Variants in ABCA13 observed in about 807,000 individuals in gnomAD.
ABCA13 encodes the protein ATP binding cassette subfamily A member 13.
Under a neutral mutation model 478.7 loss-of-function variants are expected in ABCA13, and 476 were observed. The observed-to-expected ratio is 0.99, with a 90% CI of 0.92 to 1.07. ABCA13 has a LOEUF of 1.07. ABCA13 is among the 50% of genes least tolerant of loss of function. ABCA13 has a pLI of 0.00. For synonymous variants in ABCA13, 2,252 were observed against 2,158.9 expected, an observed-to-expected ratio of 1.04 and a Z score of -1.20; for missense variants, 6,060 against 5,910.6, an observed-to-expected ratio of 1.03 and a Z score of -0.83.
intron 19 of ABCA13, among the ~76,000 whole-genome samples, chr7:48,286,188 C>A (rs934201047): frequency 1.3e-5 from 2 of 152,168 alleles, no homozygotes; most frequent in African/African-American, 4.8e-5. Flanking sequence ...CAGCATCATT[C>A]CGAGTCCACA....
intron 36 of ABCA13, 21 bp downstream of exon 36, chr7:48,387,980 T>G (rs770471646): frequency 6.3e-7 from 1 of 1,589,614 alleles, no homozygotes; most frequent in South Asian, 1.2e-5. Context: ...AGTAGAATTA[T>G]TAGATGCATG....
chr7:48,234,259 C>T (rs569929317), intron 8 of ABCA13, 108 bp downstream of exon 8: 2 of 1,523,550 alleles, frequency 1.3e-6, no homozygotes, highest in East Asian at 2.3e-5. Flanking sequence ...GGCAGCCAGA[C>T]AGGAGAGTTC....
chr7:48,471,487 G>T (rs1330480702), intron 44 of ABCA13, 43 bp from the exon 45 acceptor site: 1 of 1,501,130 alleles, frequency 6.7e-7, no homozygotes, highest in Non-Finnish European at 9.1e-7. Flanking sequence ...CAATGGCTTT[G>T]TAAATCTAAA....
intron 27 of ABCA13, among the ~76,000 whole-genome samples, chr7:48,333,415 G>T (rs867572543): frequency 6.6e-6 from 1 of 152,094 alleles, no homozygotes; most frequent in Non-Finnish European, 1.5e-5. Context: ...CACTAGCCAG[G>T]TTATTCCAAT....
chr7:48,604,850 G>T (rs191681253), intron 58 of ABCA13, among the ~76,000 whole-genome samples: 35 of 152,276 alleles, frequency 2.3e-4, no homozygotes, highest in Non-Finnish European at 5.0e-4. Flanking sequence ...TACTATTATT[G>T]TGTGGGAGTA....
At chr7:48,606,955 G>T (rs957852845) in intron 58 of ABCA13, among the ~76,000 whole-genome samples, 3 of 152,334 alleles carry the variant, frequency 2.0e-5, no homozygotes, top group African/African-American at 4.8e-5. Flanking sequence ...TTGCTGAGCT[G>T]CAGTGGGCTC....
intron 35 of ABCA13, 136 bp from the exon 36 acceptor site, chr7:48,387,686 T>C (rs1011756292): frequency 2.0e-5 from 15 of 764,902 alleles, no homozygotes; most frequent in Non-Finnish European, 2.7e-5. Context: ...CCCTGGGATA[T>C]CACATTTTGT....
chr7:48,571,258 G>A (rs1206158452), intron 55 of ABCA13, among the ~76,000 whole-genome samples: 1 of 152,054 alleles, frequency 6.6e-6, no homozygotes, highest in Admixed American at 6.5e-5. Flanking sequence ...TTCTTTATAT[G>A]GTAATCTTAA....
intron 48 of ABCA13, among the ~76,000 whole-genome samples, chr7:48,501,620 G>GT (rs1257392295): frequency 5.3e-5 from 8 of 152,124 alleles, no homozygotes; most frequent in African/African-American, 1.7e-4. Context: ...TGCACCAGTG[G>GT]TTTTTTACTT....
chr7:48,410,439 C>T (rs149049743), intron 39 of ABCA13, 81 bp from the exon 40 acceptor site: 22,490 of 1,540,514 alleles, frequency 0.015, 218 homozygotes, highest in Non-Finnish European at 0.018. Flanking sequence ...TGCCCTGGAT[C>T]TACCATCCTG....
chr7:48,403,617 G>A (rs1817891540), intron 38 of ABCA13, 66 bp from the exon 39 acceptor site: 2 of 1,483,480 alleles, frequency 1.3e-6, no homozygotes, highest in Non-Finnish European at 1.8e-6. Flanking sequence ...ATTATTTCTG[G>A]AGTGAAATTA....
At chr7:48,594,876 G>A (rs1312509106) in intron 58 of ABCA13, 63 bp downstream of exon 58, 1 of 1,385,994 alleles carries the variant, frequency 7.2e-7, no homozygotes, top group African/African-American at 1.4e-5. Context: ...GTTAAGAAGT[G>A]CATTTAGGTA....
intron 55 of ABCA13, among the ~76,000 whole-genome samples, chr7:48,564,659 T>G (rs2131284714): frequency 6.6e-6 from 1 of 151,966 alleles, no homozygotes; most frequent in South Asian, 2.1e-4. Flanking sequence ...GGTATTTCTT[T>G]ATATAAAAAT....
intron 55 of ABCA13, among the ~76,000 whole-genome samples, chr7:48,562,790 T>A (rs1461936704): frequency 1.3e-5 from 2 of 152,112 alleles, no homozygotes; most frequent in Non-Finnish European, 2.9e-5. Flanking sequence ...AAAGTTGTGA[T>A]TTTGATATAA....
intron 23 of ABCA13, among the ~76,000 whole-genome samples, chr7:48,306,175 T>C (rs1299775935): frequency 1.3e-5 from 2 of 152,208 alleles, no homozygotes; most frequent in Non-Finnish European, 2.9e-5. Context: ...GTGGCTTCTG[T>C]GCATTGTGAC....
chr7:48,217,260 C>A (rs1001916079), intron 3 of ABCA13, among the ~76,000 whole-genome samples: 1 of 152,168 alleles, frequency 6.6e-6, no homozygotes. Context: ...GCCATAACAA[C>A]CTTCTTAGGA....
chr7:48,620,704 C>T (rs1345405252), intron 59 of ABCA13, among the ~76,000 whole-genome samples: 2 of 152,156 alleles, frequency 1.3e-5, no homozygotes, highest in African/African-American at 2.4e-5. Context: ...AAACATTAGG[C>T]AGTCAACCCT....
At chr7:48,643,161 A>G in intron 59 of ABCA13, 127 bp from the exon 60 acceptor site, 3 of 616,402 alleles carry the variant, frequency 4.9e-6, no homozygotes, top group Non-Finnish European at 8.6e-6. Flanking sequence ...TTATATTGAG[A>G]ATCCAAACTC....
In ABCA13 at chr7:48,516,842, C is replaced by T. The variant is rs748271446; in HGVS notation, c.13758C>T (p.Thr4586=). The change falls in exon 52 of 62, where the codon ACC becomes ACT. Residue 4586 remains threonine (T), a synonymous_variant. Transcript: ENST00000435803. ...TTGGCCTTTGTACCATGCTCATAACCATTATGCCCCGGTTGCTAGCCATCA... is the reference window on the plus strand; with the variant it reads ...TTGGCCTTTGTACCATGCTCATAACTATTATGCCCCGGTTGCTAGCCATCA... ...FIFGLCTMLI[T]IMPRLLAIIS... is the part of the protein sequence containing the mutation. 13 of 1,613,606 alleles carry T rather than the reference C, an allele frequency of 8.1e-6. No homozygotes were observed. Among genetic ancestry groups the T allele is most frequent in the African/African-American group, 1.3e-5 (1 of 74,916 alleles).
Sources: allele counts gnomAD v4.1 joint callset (sites outside exome capture counted in the v4.1 genomes callset), GRCh38; gene constraint gnomAD v4.1.1; transcripts MANE v1.5; gene names NCBI Gene and HGNC (gene_info 2026-07-23, HGNC 2026-07-21).